The following MAN1A2 variants were observed in gnomAD, a reference collection of about 807,000 sequenced individuals.
MAN1A2 encodes mannosidase alpha class 1A member 2, also known as mannosyl-oligosaccharide 1,2-alpha-mannosidase IB.
A neutral mutation model predicts 75.7 loss-of-function variants in MAN1A2; 26 were observed. The ratio of observed to expected loss-of-function variants is 0.34; its 90% CI spans 0.25 to 0.48. MAN1A2 has a LOEUF of 0.48. Ranked by LOEUF, MAN1A2 falls within the 20% of genes least tolerant of loss-of-function variation. The pLI is 0.99. For missense variants in MAN1A2, 562 were observed against 775.5 expected, an observed-to-expected ratio of 0.72 and a Z score of 3.27; for synonymous variants, 247 against 264.6, an observed-to-expected ratio of 0.93 and a Z score of 0.65.
chr1:117,449,323 C>T (rs1649334051), intron 6 of MAN1A2, among the ~76,000 whole-genome samples: 1 of 152,098 alleles, frequency 6.6e-6, no homozygotes, highest in African/African-American at 2.4e-5. Flanking sequence ...TTTTGGGAGG[C>T]TGAGGCATGC....
chr1:117,454,999 C>T (rs972991932), intron 6 of MAN1A2, among the ~76,000 whole-genome samples: 2 of 151,936 alleles, frequency 1.3e-5, no homozygotes, highest in African/African-American at 4.8e-5. Flanking sequence ...GAGAAGGAAA[C>T]AACTAATGGG....
intron 5 of MAN1A2, among the ~76,000 whole-genome samples, chr1:117,423,780 T>A (rs1329509833): frequency 6.6e-6 from 1 of 152,132 alleles, no homozygotes; most frequent in Non-Finnish European, 1.5e-5. Flanking sequence ...CAACATAAAA[T>A]TTACCATTTT....
intron 1 of MAN1A2, among the ~76,000 whole-genome samples, chr1:117,372,403 C>T (rs1652991155): frequency 6.6e-6 from 1 of 151,994 alleles, no homozygotes. Flanking sequence ...GGTGACATGG[C>T]CATGGATTAG....
intron 3 of MAN1A2, 39 bp from the exon 4 acceptor site, chr1:117,414,674 G>A (rs1295213652): frequency 9.8e-7 from 1 of 1,022,084 alleles, no homozygotes. Flanking sequence ...GAACCTAAAG[G>A]GATCTTTTTA....
rs1570684940 is a variant in MAN1A2 at position 117,367,859 on chromosome 1, C to A, written c.-325C>A. On this transcript the variant is annotated 5_prime_UTR_variant, in exon 1 of 13. Coordinates refer to ENST00000356554, the MANE Select transcript of MAN1A2 (RefSeq NM_006699.5). ...TCACTGAGGTGCAGGAATGGAAGAACCCACCTTGCAGCTTTTCTGCAGTGT... is the reference window on the plus strand; with the variant it reads ...TCACTGAGGTGCAGGAATGGAAGAAACCACCTTGCAGCTTTTCTGCAGTGT... The A allele has an allele frequency of 4.0e-6, 1 of 252,784 alleles. No homozygotes were observed. Among genetic ancestry groups the A allele is most frequent in the East Asian group, 8.6e-5 (1 of 11,648 alleles). 15.7% of individuals were successfully genotyped at this position (252,784 alleles called of 1,614,324 possible). A position where few individuals can be genotyped will look rare whatever the true frequency, so the allele number is the denominator to read the frequency against.
In MAN1A2 at chr1:117,521,712, C is replaced by T. The variant is rs117331482; in HGVS notation, c.1794-1113C>T. On this transcript the variant is annotated intron_variant, in intron 12 of 12. Transcript: ENST00000356554. ...AGGAAAATAAGTCATTATACAAAAA[C>T]GATTCGTGCACATGCATGTTTATAG... 1.1e-3 allele frequency among the ~76,000 whole-genome samples: 167 copies of T among 151,958 alleles called. 2 individuals carry two copies. The East Asian group carries it at 0.027, about 24-fold the overall frequency.
chr1:117,516,638 C>A (rs1393094138), intron 12 of MAN1A2, among the ~76,000 whole-genome samples: 1 of 152,092 alleles, frequency 6.6e-6, no homozygotes, highest in African/African-American at 2.4e-5. Context: ...AAACACCAGA[C>A]AGGAGGCAAT....
rs1412184829 is a variant in MAN1A2 at position 117,526,421 on chromosome 1, T to C, written c.*3464T>C. ...GGAAAAAGAAAAGGTTTATAATATA[T>C]TTTAAAACAATGTGTTACTGTATAA... On this transcript the variant is annotated 3_prime_UTR_variant, in exon 13 of 13. Transcript: ENST00000356554. The C allele has an allele frequency of 6.6e-6, 1 of 151,750 alleles. No homozygotes were observed. The highest frequency in any genetic ancestry group is 6.6e-5 in the Admixed American group (1 of 15,188). 9.4% of individuals were successfully genotyped at this position (151,750 alleles called of 1,614,324 possible). A position where few individuals can be genotyped will look rare whatever the true frequency, so the allele number is the denominator to read the frequency against.
intron 1 of MAN1A2, among the ~76,000 whole-genome samples, chr1:117,382,799 T>A (rs1653395439): frequency 6.6e-6 from 1 of 152,216 alleles, no homozygotes; most frequent in African/African-American, 2.4e-5. Context: ...CAATATTGAT[T>A]CTTCCTACCC....
At chr1:117,434,246 T>C (rs192456254) in intron 5 of MAN1A2, among the ~76,000 whole-genome samples, 1 of 152,340 alleles carries the variant, frequency 6.6e-6, no homozygotes, top group East Asian at 1.9e-4. Flanking sequence ...TAATAGTCTC[T>C]CACCCTTCCA....
At chr1:117,402,654 T>C (rs115237151) in intron 2 of MAN1A2, among the ~76,000 whole-genome samples, 4,611 of 152,080 alleles carry the variant, frequency 0.03, 191 homozygotes, top group Admixed American at 0.12. Context: ...AAAATATTTT[T>C]GATACAACTT....
At chr1:117,472,450 T>A (rs1435582728) in intron 8 of MAN1A2, among the ~76,000 whole-genome samples, 1 of 152,076 alleles carries the variant, frequency 6.6e-6, no homozygotes, top group Non-Finnish European at 1.5e-5. Context: ...TATCAACCAC[T>A]GTTCCAGATG....
intron 4 of MAN1A2, among the ~76,000 whole-genome samples, chr1:117,415,335 T>G (rs528396734): frequency 3.3e-5 from 5 of 152,310 alleles, no homozygotes; most frequent in Non-Finnish European, 7.4e-5. Context: ...AGTCTTCACC[T>G]AAAAGATGTG....
chr1:117,494,909 T>C (rs1650990806), intron 9 of MAN1A2: 1 of 151,930 alleles, frequency 6.6e-6, no homozygotes, highest in African/African-American at 2.4e-5. Flanking sequence ...ACATAATAAG[T>C]ATTCCGTAGT....
intron 5 of MAN1A2, among the ~76,000 whole-genome samples, chr1:117,436,297 T>G (rs926816244): frequency 6.6e-5 from 10 of 152,068 alleles, no homozygotes; most frequent in African/African-American, 2.4e-4. Context: ...TTAGAAACCT[T>G]AAGAGGAAGG....
intron 6 of MAN1A2, among the ~76,000 whole-genome samples, chr1:117,457,049 G>A (rs1174605230): frequency 6.6e-6 from 1 of 152,036 alleles, no homozygotes; most frequent in Non-Finnish European, 1.5e-5. Context: ...TTTACTGAAA[G>A]CTTTACTCCA....
In MAN1A2 at chr1:117,473,183, CTTTCTCA is replaced by C. The variant is rs576346683; in HGVS notation, c.1168+6761_1168+6767del. ...CCTCAAAACCTGTTATTCCTCCAGT[CTTTCTCA>C]TTTCAGTTAATGGCAGGTCTATTCT... On this transcript the variant is annotated intron_variant, in intron 8 of 12. Coordinates refer to ENST00000356554, the MANE Select transcript of MAN1A2 (RefSeq NM_006699.5). Among the ~76,000 whole-genome samples the C allele has an allele frequency of 6.8e-3, 1,027 of 152,074 alleles. 9 individuals are homozygous for C. The highest frequency in any genetic ancestry group is 0.018 in the South Asian group (88 of 4,814).
intron 8 of MAN1A2, among the ~76,000 whole-genome samples, chr1:117,470,934 A>G (rs1477875562): frequency 2.0e-5 from 3 of 151,968 alleles, no homozygotes; most frequent in Non-Finnish European, 4.4e-5. Flanking sequence ...GAAGATAATT[A>G]CTGGTAATTA....
intron 2 of MAN1A2, among the ~76,000 whole-genome samples, chr1:117,402,682 C>T (rs1396487418): frequency 2.0e-5 from 3 of 151,506 alleles, no homozygotes; most frequent in African/African-American, 7.3e-5. Flanking sequence ...GTTAGTGCCA[C>T]TCATTCTTTG....
Sources: allele counts gnomAD v4.1 joint callset (sites outside exome capture counted in the v4.1 genomes callset), GRCh38; gene constraint gnomAD v4.1.1; transcripts MANE v1.5; gene names NCBI Gene and HGNC (gene_info 2026-07-23, HGNC 2026-07-21).